RAP1B: variants seen among roughly 807,000 people sequenced by gnomAD.
RAP1B encodes the protein RAP1B, member of RAS oncogene family, also known as ras-related protein Rap-1b.
A neutral mutation model predicts 27.5 loss-of-function variants in RAP1B; 1 was observed. The ratio of observed to expected loss-of-function variants is 0.04; its 90% confidence interval spans 0.01 to 0.17. The LOEUF (loss-of-function observed/expected upper bound fraction) is 0.17, where lower values mean the gene tolerates loss of function less well. Among genes scored for constraint, RAP1B ranks in the 10% least tolerant of loss-of-function variants. The probability of loss-of-function intolerance (pLI) is 1.00; values close to 1 mark genes in which losing one functional copy is unlikely to be tolerated. For missense variants in RAP1B, 84 were observed against 214.8 expected (o/e 0.39, Z 3.81); for synonymous variants, 75 against 73.1 (o/e 1.03, Z -0.13).
chr12:68,631,964 T>G (rs1872265831), intron 1 of RAP1B, among the ~76,000 whole-genome samples: 1 of 152,152 alleles, frequency 6.6e-6, no homozygotes, highest in Non-Finnish European at 1.5e-5. Context: ...ACATGAGACT[T>G]TCCGTGCTTA....
intron 1 of RAP1B, chr12:68,627,044 G>C: frequency 6.3e-7 from 1 of 1,593,326 alleles, no homozygotes; most frequent in Non-Finnish European, 8.5e-7. Context: ...CAGAAAACTT[G>C]AACTTGGCCC....
At chr12:68,637,793 G>A (rs1303316645) in intron 1 of RAP1B, among the ~76,000 whole-genome samples, 1 of 151,872 alleles carries the variant, frequency 6.6e-6, no homozygotes, top group Non-Finnish European at 1.5e-5. Flanking sequence ...CCTCAAACCA[G>A]CCCCAGGATT....
At chr12:68,623,876 C>T in intron 1 of RAP1B, among the ~76,000 whole-genome samples, 1 of 152,176 alleles carries the variant, frequency 6.6e-6, no homozygotes, top group East Asian at 1.9e-4. Flanking sequence ...AAAAACTTAG[C>T]CGGGCATGGT....
At chr12:68,626,290 A>G (rs970826076) in intron 1 of RAP1B, among the ~76,000 whole-genome samples, 2 of 152,116 alleles carry the variant, frequency 1.3e-5, no homozygotes, top group Non-Finnish European at 2.9e-5. Context: ...CTCACTTCCA[A>G]TTTCTTATAC....
chr12:68,612,865 G>A (rs553118413), intron 1 of RAP1B, among the ~76,000 whole-genome samples: 1 of 152,142 alleles, frequency 6.6e-6, no homozygotes, highest in African/African-American at 2.4e-5. Flanking sequence ...TGTGTACTAC[G>A]TTAGGTGTTT....
At chr12:68,651,141 A>G (rs1437475842) in intron 3 of RAP1B, among the ~76,000 whole-genome samples, 1 of 152,252 alleles carries the variant, frequency 6.6e-6, no homozygotes, top group Non-Finnish European at 1.5e-5. Flanking sequence ...TGTTCCACAC[A>G]TGGCTCAAAA....
chr12:68,654,012 T>A, intron 4 of RAP1B, 100 bp from the exon 5 acceptor site: 1 of 980,860 alleles, frequency 1.0e-6, no homozygotes, highest in Admixed American at 2.3e-5. Context: ...TACATAATAC[T>A]ACAGTATTCT....
At chr12:68,652,469 G>C (rs952406870) in intron 4 of RAP1B, among the ~76,000 whole-genome samples, 1 of 151,966 alleles carries the variant, frequency 6.6e-6, no homozygotes, top group Non-Finnish European at 1.5e-5. Context: ...AAAAACATAA[G>C]ACTACTAGTT....
chr12:68,624,037 AAAGAG>A (rs1164583836), intron 1 of RAP1B, among the ~76,000 whole-genome samples: 2 of 152,080 alleles, frequency 1.3e-5, no homozygotes, highest in Non-Finnish European at 2.9e-5. Context: ...AAAAAAAAAA[AAAGAG>A]AGAGAGAAGA....
chr12:68,657,725 AACACAC>A (rs61700927), intron 7 of RAP1B: 13,638 of 126,056 alleles, frequency 0.11, 821 homozygotes, highest in East Asian at 0.21. Context: ...CCTAATTTAA[AACACAC>A]ACACACACAC....
chr12:68,660,717 A>G lies in RAP1B; in HGVS notation c.*1468A>G, dbSNP rs1874549144. ...TTTCTGGTATTGTTTGAATATCCACATAACCACCTTTTGAACTTTTCCTTG... is the reference window on the plus strand; with the variant it reads ...TTTCTGGTATTGTTTGAATATCCACGTAACCACCTTTTGAACTTTTCCTTG... On this transcript the variant is annotated 3_prime_UTR_variant, in exon 8 of 8. Transcript: ENST00000250559. 6.6e-6 allele frequency: 1 copy of G among 152,258 alleles called. No individual in the cohort carries two copies. The allele number at this position is 152,258 out of a possible 1,614,324, so 9.4% of individuals were successfully genotyped here.
intron 1 of RAP1B, among the ~76,000 whole-genome samples, chr12:68,611,992 C>T (rs1394765491): frequency 6.6e-6 from 1 of 152,162 alleles, no homozygotes; most frequent in Non-Finnish European, 1.5e-5. Flanking sequence ...CTTCGCTTTC[C>T]CCCCTCTCCC....
At chr12:68,612,764 T>C (rs1565653243) in intron 1 of RAP1B, among the ~76,000 whole-genome samples, 2 of 152,366 alleles carry the variant, frequency 1.3e-5, no homozygotes, top group African/African-American at 4.8e-5. Flanking sequence ...GATAGTCTTA[T>C]TTGAGCTCAT....
intron 1 of RAP1B, among the ~76,000 whole-genome samples, chr12:68,630,880 G>A (rs978514664): frequency 6.6e-6 from 1 of 151,720 alleles, no homozygotes; most frequent in Non-Finnish European, 1.5e-5. Flanking sequence ...GTGGGGTTTC[G>A]CCTTGTTGCC....
intron 1 of RAP1B, among the ~76,000 whole-genome samples, chr12:68,624,065 A>G (rs1871579623): frequency 6.6e-6 from 1 of 152,258 alleles, no homozygotes; most frequent in Middle Eastern, 3.4e-3. Context: ...TTGGTTTCAA[A>G]TGAGTTAAAA....
intron 1 of RAP1B, among the ~76,000 whole-genome samples, chr12:68,638,662 CTTTTT>C (rs910083551): frequency 4.6e-5 from 7 of 151,756 alleles, no homozygotes; most frequent in Admixed American, 1.3e-4. Context: ...AGGAATCTAA[CTTTTT>C]TTTGTTTTTT....
In RAP1B at chr12:68,662,771, A is replaced by C. The variant is rs926218040; in HGVS notation, c.*3522A>C. The C allele has an allele frequency of 6.6e-6, 1 of 151,536 alleles. No individual in the cohort carries two copies. Among genetic ancestry groups the C allele is most frequent in the South Asian group, 2.1e-4 (1 of 4,806 alleles). The allele number at this position is 151,536 out of a possible 1,614,324, so 9.4% of individuals were successfully genotyped here. ...TAACATTGTGATTTGTAAGACTAAA[A>C]TTTTTTTTTCAAACAAAACAAATCT... On this transcript the variant is annotated 3_prime_UTR_variant, in exon 8 of 8. Coordinates refer to ENST00000250559, the MANE Select transcript of RAP1B (RefSeq NM_001010942.3).
At position 68,668,937 on chromosome 12, in the gene RAP1B, T is replaced by C. The variant is rs1874958155; in HGVS notation, c.*9688T>C. Reference sequence around the variant, plus strand: ...TGTTGTTCAACCCTCAGCAATGCTATGAAATAGGGGCTGAGTCTCCTAATA... The same window carrying C: ...TGTTGTTCAACCCTCAGCAATGCTACGAAATAGGGGCTGAGTCTCCTAATA... On this transcript the variant is annotated 3_prime_UTR_variant, in exon 8 of 8. Transcript: ENST00000250559. The C allele has an allele frequency of 6.6e-6, 1 of 152,182 alleles. No individual in the cohort carries two copies. The highest frequency in any genetic ancestry group is 2.4e-5 in the African/African-American group (1 of 41,438). The allele number at this position is 152,182 out of a possible 1,614,324, so 9.4% of individuals were successfully genotyped here.
chr12:68,620,189 T>G (rs917770481), intron 1 of RAP1B, among the ~76,000 whole-genome samples: 9 of 151,194 alleles, frequency 6.0e-5, no homozygotes, highest in Non-Finnish European at 1.2e-4. Flanking sequence ...TGGTGGTGGT[T>G]TTTTTATTTT....
Sources: gnomAD v4.1 joint callset for allele counts (sites outside exome capture counted in the v4.1 genomes callset) on GRCh38, gnomAD v4.1.1 for gene constraint, MANE v1.5 for transcripts, NCBI Gene and HGNC (gene_info 2026-07-23, HGNC 2026-07-21) for gene names.